Variants in GRID1 observed in about 807,000 individuals in gnomAD.
GRID1 encodes glutamate ionotropic receptor delta type subunit 1, also known as glutamate receptor ionotropic, delta-1.
A neutral mutation model predicts 98.0 loss-of-function variants in GRID1; 28 were observed. That is an observed-to-expected ratio of 0.29 (90% CI 0.21 to 0.39). GRID1 has a LOEUF of 0.39. GRID1 is among the 10% of genes least tolerant of loss of function. GRID1 has a pLI of 1.00. For missense variants in GRID1, 1,111 were observed against 1,340.5 expected, an observed-to-expected ratio of 0.83 and a Z score of 2.67; for synonymous variants, 553 against 538.5, an observed-to-expected ratio of 1.03 and a Z score of -0.37.
intron 2 of GRID1, among the ~76,000 whole-genome samples, chr10:86,343,667 G>A (rs1848342438): frequency 6.6e-6 from 1 of 152,238 alleles, no homozygotes; most frequent in Non-Finnish European, 1.5e-5. Flanking sequence ...GTCAGCCAGT[G>A]TGAGAGGGTA....
chr10:86,183,783 T>C (rs188685355), intron 3 of GRID1, among the ~76,000 whole-genome samples: 2 of 152,362 alleles, frequency 1.3e-5, no homozygotes, highest in East Asian at 1.9e-4. Context: ...TTCAGGTAAA[T>C]ACCTGGGAGT....
chr10:85,793,003 G>A (rs959519604), intron 8 of GRID1, among the ~76,000 whole-genome samples: 3 of 152,282 alleles, frequency 2.0e-5, no homozygotes, highest in Admixed American at 6.5e-5. Context: ...CCACACCCTT[G>A]TCCCATCCCT....
chr10:85,872,215 T>C (rs1843285293), intron 5 of GRID1, among the ~76,000 whole-genome samples: 2 of 151,996 alleles, frequency 1.3e-5, no homozygotes, highest in African/African-American at 4.8e-5. Context: ...GAAAAAGCAA[T>C]GAGTAGGTTA....
At chr10:86,205,637 T>C (rs1288656202) in intron 3 of GRID1, among the ~76,000 whole-genome samples, 1 of 152,116 alleles carries the variant, frequency 6.6e-6, no homozygotes, top group East Asian at 1.9e-4. Flanking sequence ...TGCATGTAAA[T>C]CTAAATTATC....
chr10:86,274,391 C>T (rs559793802), intron 2 of GRID1, among the ~76,000 whole-genome samples: 48 of 152,222 alleles, frequency 3.2e-4, no homozygotes, highest in East Asian at 1.3e-3. Flanking sequence ...CTTGGCAAGG[C>T]GGGCTCTTTT....
At chr10:85,776,316 C>T (rs977620750) in intron 8 of GRID1, among the ~76,000 whole-genome samples, 2 of 152,132 alleles carry the variant, frequency 1.3e-5, no homozygotes, top group Admixed American at 1.3e-4. Flanking sequence ...TTATAAGGGA[C>T]AGAAGTGAGG....
At chr10:85,936,037 A>C (rs1841921251) in intron 4 of GRID1, among the ~76,000 whole-genome samples, 1 of 152,202 alleles carries the variant, frequency 6.6e-6, no homozygotes, top group African/African-American at 2.4e-5. Flanking sequence ...CATCATCTGC[A>C]ACACAGACAC....
rs148181350 is a variant in GRID1, at chr10:86,204,469, G to A, written c.520+1895C>T. On this transcript the variant is annotated intron_variant, in intron 3 of 15. Coordinates refer to ENST00000327946, the MANE Select transcript of GRID1 (RefSeq NM_017551.3). ...GCAGGACGAGCATGTCTGCGAGAGC[G>A]TGTAACCAAGCTGCCAGCTCTGTAG... 7.2e-5 allele frequency among the ~76,000 whole-genome samples: 11 copies of A among 152,358 alleles called. No homozygotes were observed. The East Asian group carries it at 1.3e-3, about 19-fold the overall frequency.
chr10:86,297,797 A>G (rs1847616741), intron 2 of GRID1, among the ~76,000 whole-genome samples: 1 of 152,228 alleles, frequency 6.6e-6, no homozygotes, highest in South Asian at 2.1e-4. Flanking sequence ...GCTGGACAGA[A>G]AGTCCACCCA....
intron 8 of GRID1, among the ~76,000 whole-genome samples, chr10:85,838,236 T>C (rs368590016): frequency 1.3e-5 from 2 of 152,120 alleles, no homozygotes; most frequent in African/African-American, 4.8e-5. Flanking sequence ...GGTAAATATA[T>C]TCCAGGATAT....
chr10:86,293,210 C>T (rs1847540851), intron 2 of GRID1, among the ~76,000 whole-genome samples: 1 of 152,190 alleles, frequency 6.6e-6, no homozygotes, highest in Non-Finnish European at 1.5e-5. Flanking sequence ...ATCACTCCTT[C>T]TTTCTTTCCC....
intron 5 of GRID1, among the ~76,000 whole-genome samples, chr10:85,892,609 G>A (rs750907709): frequency 6.6e-6 from 1 of 150,820 alleles, no homozygotes; most frequent in Non-Finnish European, 1.5e-5. Flanking sequence ...AAGCAAAGAC[G>A]TTTTTAGAAA....
chr10:85,994,217 G>T (rs1164938706), intron 4 of GRID1, among the ~76,000 whole-genome samples: 2 of 152,046 alleles, frequency 1.3e-5, no homozygotes, highest in Non-Finnish European at 2.9e-5. Context: ...TCAAGAAACA[G>T]ACCCTCCATC....
At position 86,138,821 on chromosome 10, in the gene GRID1, C is replaced by T. The variant is rs759000389; in HGVS notation, c.724G>A (p.Glu242Lys). Residue 242 changes from glutamate to lysine, a missense_variant and splice_region_variant, in exon 4 of 16, where the codon GAG becomes AAG. Around this residue, in one of 3 missense-constraint regions of GRID1, gnomAD observed 346 missense variants for 452.3 expected, o/e 0.76. Transcript: ENST00000327946. ...GGCCTCAGGCCCCCATGACCTACCT[C>T]GTTGATGAAGGAGTGGGCTCCCTGT... ...SPQGAHSFIN[E>K]AVETNLASKD... is the part of the protein sequence containing the mutation. 9 of 1,613,756 alleles carry T rather than the reference C, an allele frequency of 5.6e-6. No homozygotes were observed. The highest frequency in any genetic ancestry group is 1.7e-5 in the Admixed American group (1 of 60,026).
chr10:86,363,267 C>G (rs897215216), intron 2 of GRID1, among the ~76,000 whole-genome samples: 2 of 152,254 alleles, frequency 1.3e-5, no homozygotes, highest in African/African-American at 2.4e-5. Flanking sequence ...CAGGATTTCC[C>G]CGCAGCCGGA....
At chr10:85,611,226 G>A (rs1218642066) in intron 15 of GRID1, among the ~76,000 whole-genome samples, 8 of 151,902 alleles carry the variant, frequency 5.3e-5, no homozygotes, top group African/African-American at 1.9e-4. Context: ...CACACACATA[G>A]ACCACAACAA....
chr10:85,618,010 C>A (rs528037211), intron 14 of GRID1, among the ~76,000 whole-genome samples: 2 of 152,210 alleles, frequency 1.3e-5, no homozygotes, highest in Non-Finnish European at 2.9e-5. Context: ...GGCAGCCACA[C>A]CCCTCCCCAC....
chr10:86,111,234 T>A (rs1473867551), intron 4 of GRID1, among the ~76,000 whole-genome samples: 2 of 152,172 alleles, frequency 1.3e-5, no homozygotes, highest in African/African-American at 4.8e-5. Flanking sequence ...AAGTTTGTCA[T>A]CTCTGCCTAC....
intron 2 of GRID1, among the ~76,000 whole-genome samples, chr10:86,303,085 T>G (rs964407512): frequency 6.6e-6 from 1 of 152,252 alleles, no homozygotes. Flanking sequence ...TGGATTGTGT[T>G]AGACTATATT....
Sources: gnomAD v4.1 joint callset for allele counts (sites outside exome capture counted in the v4.1 genomes callset) on GRCh38, gnomAD v4.1.1 for gene constraint, gnomAD v4.1.1 regional missense constraint, MANE v1.5 for transcripts, NCBI Gene and HGNC (gene_info 2026-07-23, HGNC 2026-07-21) for gene names.